Variants in LRP1B observed in about 807,000 individuals in gnomAD.
The protein encoded by LRP1B is LDL receptor related protein 1B.
In LRP1B, 217 loss-of-function variants were observed where a neutral mutation model predicts 556.6. The ratio of observed to expected loss-of-function variants is 0.39; its 90% confidence interval spans 0.35 to 0.44. The LOEUF (loss-of-function observed/expected upper bound fraction) is 0.44. Ranked by LOEUF, LRP1B falls within the 20% of genes least tolerant of loss-of-function variation. LRP1B has a pLI of 1.00. For missense variants in LRP1B, 5,053 were observed against 5,620.8 expected (o/e 0.90, Z 3.23); for synonymous variants, 2,047 against 1,865.8 (o/e 1.10, Z -2.50).
intron 2 of LRP1B, among the ~76,000 whole-genome samples, chr2:141,585,422 CGTGTGTGTGTGTGTGT>C (rs3041302): frequency 5.5e-4 from 71 of 129,262 alleles, no homozygotes; most frequent in Non-Finnish European, 8.0e-4. Flanking sequence ...CTGAAATAAT[CGTGTGTGTGTGTGTGT>C]GTGTGTGTGT....
intron 18 of LRP1B, among the ~76,000 whole-genome samples, chr2:140,974,893 A>T: frequency 6.6e-6 from 1 of 152,318 alleles, no homozygotes; most frequent in African/African-American, 2.4e-5. Flanking sequence ...CATGAGAATC[A>T]TTCATGAAAT....
chr2:141,816,074 ATTTTG>A (rs1696535868), intron 1 of LRP1B, among the ~76,000 whole-genome samples: 1 of 152,302 alleles, frequency 6.6e-6, no homozygotes, highest in African/African-American at 2.4e-5. Context: ...TCTTCATTTT[ATTTTG>A]TTTTAATGTC....
intron 3 of LRP1B, among the ~76,000 whole-genome samples, chr2:141,348,438 G>C (rs971959573): frequency 2.0e-5 from 3 of 151,640 alleles, no homozygotes; most frequent in Admixed American, 6.6e-5. Flanking sequence ...TAATATAATG[G>C]TCAAATATTA....
rs149965440 is a variant in LRP1B, at chr2:140,779,224, T to G, written c.5360-2986A>C. Among the ~76,000 whole-genome samples the G allele has an allele frequency of 1.5e-3, 232 of 152,066 alleles. 1 individual carries two copies. Among genetic ancestry groups the G allele is most frequent in the African/African-American group, 5.2e-3 (216 of 41,482 alleles). On this transcript the variant is annotated intron_variant, in intron 32 of 90. Coordinates refer to ENST00000389484, the MANE Select transcript of LRP1B (RefSeq NM_018557.3). ...GCTTAAAAAAAATCTTTTTTAAAAGTTTGGAGATAAGAAAAAGGTAAGTCA... is the reference window on the plus strand; with the variant it reads ...GCTTAAAAAAAATCTTTTTTAAAAGGTTGGAGATAAGAAAAAGGTAAGTCA...
chr2:142,044,695 G>T (rs1704193679), intron 1 of LRP1B, among the ~76,000 whole-genome samples: 1 of 151,460 alleles, frequency 6.6e-6, no homozygotes, highest in Non-Finnish European at 1.5e-5. Flanking sequence ...TTCTCTTTAT[G>T]ACTATTTCCT....
chr2:141,976,477 G>A (rs1701890356), intron 1 of LRP1B, among the ~76,000 whole-genome samples: 1 of 152,092 alleles, frequency 6.6e-6, no homozygotes, highest in Non-Finnish European at 1.5e-5. Flanking sequence ...TGATAGATAA[G>A]TAATCTAGGA....
intron 1 of LRP1B, among the ~76,000 whole-genome samples, chr2:141,981,682 T>A (rs539127639): frequency 7.2e-5 from 11 of 152,276 alleles, no homozygotes; most frequent in Admixed American, 6.5e-4. Context: ...ATGTTTACTC[T>A]TTTTTCTTGA....
At chr2:140,339,603 T>C (rs918451324) in intron 77 of LRP1B, among the ~76,000 whole-genome samples, 2 of 151,746 alleles carry the variant, frequency 1.3e-5, no homozygotes, top group Non-Finnish European at 3.0e-5. Context: ...TAGGATATTT[T>C]ACTAAATGAA....
At chr2:140,328,862 T>C (rs1020933976) in intron 79 of LRP1B, among the ~76,000 whole-genome samples, 1 of 152,006 alleles carries the variant, frequency 6.6e-6, no homozygotes, top group Admixed American at 6.6e-5. Context: ...TAAACTAAAT[T>C]CAAATAACAG....
At chr2:141,515,728 G>A (rs1684290766) in intron 2 of LRP1B, among the ~76,000 whole-genome samples, 1 of 151,974 alleles carries the variant, frequency 6.6e-6, no homozygotes, top group Admixed American at 6.6e-5. Flanking sequence ...GTGTACAAGG[G>A]GAAATGATAT....
At chr2:141,370,053 A>T (rs533477864) in intron 3 of LRP1B, among the ~76,000 whole-genome samples, 1 of 152,288 alleles carries the variant, frequency 6.6e-6, no homozygotes, top group East Asian at 1.9e-4. Context: ...TTGATAAGAC[A>T]CTTAGCTTGA....
intron 2 of LRP1B, among the ~76,000 whole-genome samples, chr2:141,690,540 T>C (rs1278824188): frequency 2.0e-5 from 3 of 148,682 alleles, no homozygotes; most frequent in East Asian, 2.0e-4. Context: ...AGATGATCAG[T>C]TACAGTTGGG....
At chr2:140,414,210 AG>A (rs1409708349) in intron 66 of LRP1B, among the ~76,000 whole-genome samples, 1 of 151,984 alleles carries the variant, frequency 6.6e-6, no homozygotes, top group Non-Finnish European at 1.5e-5. Flanking sequence ...ACCACCACAC[AG>A]GGCCCATCTT....
intron 20 of LRP1B, among the ~76,000 whole-genome samples, chr2:140,941,479 A>G (rs1298481627): frequency 6.6e-6 from 1 of 152,172 alleles, no homozygotes; most frequent in Non-Finnish European, 1.5e-5. Flanking sequence ...AACCAGACCT[A>G]AGCAAGGGAG....
intron 32 of LRP1B, among the ~76,000 whole-genome samples, chr2:140,802,592 A>G (rs975684215): frequency 6.6e-6 from 1 of 152,242 alleles, no homozygotes; most frequent in African/African-American, 2.4e-5. Flanking sequence ...GCATACCTGC[A>G]TCAGTCTGCA....
At chr2:140,662,328 C>T (rs894882982) in intron 41 of LRP1B, among the ~76,000 whole-genome samples, 22 of 151,964 alleles carry the variant, frequency 1.4e-4, no homozygotes, top group Non-Finnish European at 2.9e-4. Context: ...ACATAGGTGT[C>T]TATACATGCT....
At chr2:140,877,130 C>T (rs1693333988) in intron 25 of LRP1B, among the ~76,000 whole-genome samples, 1 of 151,762 alleles carries the variant, frequency 6.6e-6, no homozygotes, top group Admixed American at 6.6e-5. Flanking sequence ...TTTGTAAAGC[C>T]CTCTGAACTG....
intron 54 of LRP1B, 75 bp downstream of exon 54, chr2:140,502,888 A>G (rs1455419790): frequency 6.8e-7 from 1 of 1,469,814 alleles, no homozygotes; most frequent in Non-Finnish European, 9.4e-7. Flanking sequence ...ATTGAATACT[A>G]TACTAGACAG....
rs146344025 is a variant in LRP1B, at chr2:140,602,025, C to A, written c.6800-386G>T. Among the ~76,000 whole-genome samples the A allele has an allele frequency of 5.8e-3, 883 of 152,184 alleles. 4 individuals carry two copies. Among genetic ancestry groups the A allele is most frequent in the Non-Finnish European group, 8.2e-3 (556 of 67,986 alleles). On this transcript the variant is annotated intron_variant, in intron 41 of 90. Coordinates refer to ENST00000389484, the MANE Select transcript of LRP1B (RefSeq NM_018557.3). ...AGCAATACGACTTAGATACAATCAT[C>A]ATGAGTTTTCTCTTGATACTATAGA...
Sources: allele counts gnomAD v4.1 joint callset (sites outside exome capture counted in the v4.1 genomes callset), GRCh38; gene constraint gnomAD v4.1.1; transcripts MANE v1.5; gene names NCBI Gene and HGNC (gene_info 2026-07-23, HGNC 2026-07-21).